TTC28: variants seen among roughly 807,000 people sequenced by gnomAD.
TTC28 encodes tetratricopeptide repeat domain 28, also known as tetratricopeptide repeat protein 28.
In TTC28, 61 loss-of-function variants were observed where a neutral mutation model predicts 198.0. The ratio of observed to expected loss-of-function variants is 0.31; its 90% CI spans 0.25 to 0.38. TTC28 has a LOEUF of 0.38. TTC28 is among the 10% of genes least tolerant of loss of function. TTC28 has a pLI of 1.00. For missense variants in TTC28, 2,678 were observed against 3,164.0 expected, an observed-to-expected ratio of 0.85 and a Z score of 3.69; for synonymous variants, 1,171 against 1,297.8, an observed-to-expected ratio of 0.90 and a Z score of 2.10.
chr22:28,211,373 G>A (rs1349203511), intron 5 of TTC28, among the ~76,000 whole-genome samples: 1 of 152,138 alleles, frequency 6.6e-6, no homozygotes, highest in African/African-American at 2.4e-5. Flanking sequence ...TCAGTGTGCT[G>A]TATTCAGGAG....
chr22:28,103,619 C>T (rs1331025477), intron 8 of TTC28, among the ~76,000 whole-genome samples: 1 of 152,184 alleles, frequency 6.6e-6, no homozygotes, highest in Non-Finnish European at 1.5e-5. Flanking sequence ...GGAAAGCCAT[C>T]AGCTGCAGGC....
Position 27,982,079 on chromosome 22 carries a change from A to G in TTC28, c.*142T>C, listed in dbSNP as rs1294418528. On this transcript the variant is annotated 3_prime_UTR_variant, in exon 23 of 23. Coordinates refer to ENST00000397906, the MANE Select transcript of TTC28 (RefSeq NM_001145418.2). This position sits in a 1 kb window ranked among gnomAD's most constrained non-coding sequence, Gnocchi z 5.2. ...CACCAGTGTGTGTGGCAGCCTTTGGACGTGGTGGTGCCCCTCGCCTGCAGA... is the reference window on the plus strand; with the variant it reads ...CACCAGTGTGTGTGGCAGCCTTTGGGCGTGGTGGTGCCCCTCGCCTGCAGA... The G allele has an allele frequency of 3.6e-6, 3 of 837,308 alleles. No homozygotes were observed. In the African/African-American group the frequency reaches 5.2e-5, roughly 14 times the overall value. 51.9% of individuals were successfully genotyped at this position (837,308 alleles called of 1,614,324 possible).
intron 5 of TTC28, among the ~76,000 whole-genome samples, chr22:28,179,901 T>G (rs1456110608): frequency 3.3e-5 from 5 of 152,210 alleles, no homozygotes; most frequent in Non-Finnish European, 7.4e-5. Flanking sequence ...TATGTACCAA[T>G]TAACACAGGT....
intron 2 of TTC28, among the ~76,000 whole-genome samples, chr22:28,465,646 A>G (rs963745584): frequency 6.6e-6 from 1 of 152,120 alleles, no homozygotes; most frequent in Non-Finnish European, 1.5e-5. Context: ...ATTATGCCTT[A>G]TCCTGATTAT....
chr22:28,384,912 C>CG (rs895604250), intron 2 of TTC28, among the ~76,000 whole-genome samples: 10 of 151,662 alleles, frequency 6.6e-5, no homozygotes, highest in African/African-American at 1.9e-4. Context: ...AGGCCGGGGA[C>CG]GGGGGGGATC....
At chr22:28,130,364 A>G (rs888379239) in intron 6 of TTC28, among the ~76,000 whole-genome samples, 4 of 152,156 alleles carry the variant, frequency 2.6e-5, no homozygotes, top group African/African-American at 9.7e-5. Context: ...TTCTTCCACC[A>G]CTTTATAACA....
chr22:28,488,649 G>C (rs967547611), intron 2 of TTC28, among the ~76,000 whole-genome samples: 2 of 151,990 alleles, frequency 1.3e-5, no homozygotes, highest in Non-Finnish European at 2.9e-5. Flanking sequence ...ACTAGATCCA[G>C]GACATGCTAT....
At chr22:28,622,170 C>G (rs968508735) in intron 2 of TTC28, among the ~76,000 whole-genome samples, 1 of 152,120 alleles carries the variant, frequency 6.6e-6, no homozygotes, top group African/African-American at 2.4e-5. Flanking sequence ...TACAGAAATA[C>G]TGGTAGAAAA....
intron 2 of TTC28, among the ~76,000 whole-genome samples, chr22:28,492,625 G>A (rs1008553327): frequency 7.2e-5 from 11 of 152,102 alleles, no homozygotes; most frequent in African/African-American, 2.7e-4. Flanking sequence ...AAGTCAAAAA[G>A]GAGAAAGCTA....
chr22:28,398,077 T>C (rs1267058917), intron 2 of TTC28, among the ~76,000 whole-genome samples: 1 of 152,214 alleles, frequency 6.6e-6, no homozygotes, highest in Non-Finnish European at 1.5e-5. Context: ...GACTGACTCC[T>C]GAAACATAGG....
At chr22:28,381,567 A>C (rs1214531306) in intron 2 of TTC28, among the ~76,000 whole-genome samples, 1 of 152,166 alleles carries the variant, frequency 6.6e-6, no homozygotes, top group African/African-American at 2.4e-5. Flanking sequence ...GTTAGTATAG[A>C]GAATGATTCA....
chr22:28,152,449 G>C (rs1476339214), intron 6 of TTC28, among the ~76,000 whole-genome samples: 1 of 152,140 alleles, frequency 6.6e-6, no homozygotes, highest in Admixed American at 6.5e-5. Context: ...TTCTCTTGTG[G>C]AAAGATCTGT....
chr22:28,642,262 G>A (rs2051380402), intron 1 of TTC28, among the ~76,000 whole-genome samples: 1 of 151,558 alleles, frequency 6.6e-6, no homozygotes, highest in Non-Finnish European at 1.5e-5. Flanking sequence ...AAACAAGTGG[G>A]TAATGTAAAA....
intron 5 of TTC28, among the ~76,000 whole-genome samples, chr22:28,228,649 G>A (rs1212597251): frequency 6.6e-6 from 1 of 151,918 alleles, no homozygotes; most frequent in African/African-American, 2.4e-5. Context: ...GCAGTGAGCC[G>A]AGATTGCGCC....
At chr22:28,543,034 T>G (rs969953175) in intron 2 of TTC28, among the ~76,000 whole-genome samples, 1 of 152,142 alleles carries the variant, frequency 6.6e-6, no homozygotes, top group Non-Finnish European at 1.5e-5. Context: ...TTTAAAAAAC[T>G]AATTCAAGGA....
chr22:28,400,642 T>G (rs2046892415), intron 2 of TTC28, among the ~76,000 whole-genome samples: 1 of 152,136 alleles, frequency 6.6e-6, no homozygotes, highest in Non-Finnish European at 1.5e-5. Flanking sequence ...CCTTTAAGTT[T>G]GTAAGGAGCC....
intron 2 of TTC28, among the ~76,000 whole-genome samples, chr22:28,409,213 ATG>A (rs1292479349): frequency 6.6e-6 from 1 of 152,206 alleles, no homozygotes; most frequent in Non-Finnish European, 1.5e-5. Context: ...TCTCATAATC[ATG>A]TCTATTGTTT....
chr22:28,592,228 G>C (rs1188573602), intron 2 of TTC28, among the ~76,000 whole-genome samples: 1 of 152,172 alleles, frequency 6.6e-6, no homozygotes, highest in Non-Finnish European at 1.5e-5. Flanking sequence ...GTGAGCACCT[G>C]TGGTCCCATC....
intron 2 of TTC28, among the ~76,000 whole-genome samples, chr22:28,518,724 T>C (rs892188898): frequency 3.9e-5 from 6 of 152,202 alleles, no homozygotes; most frequent in African/African-American, 1.4e-4. Context: ...GGAAGTAACA[T>C]GTTTGGCAGA....
Sources: allele counts gnomAD v4.1 joint callset (sites outside exome capture counted in the v4.1 genomes callset), GRCh38; gene constraint gnomAD v4.1.1; non-coding constraint Gnocchi (gnomAD v3.1); transcripts MANE v1.5; gene names NCBI Gene and HGNC (gene_info 2026-07-23, HGNC 2026-07-21).